NRG1: variants seen among roughly 807,000 people sequenced by gnomAD.
NRG1 encodes pro-neuregulin-1, membrane-bound isoform.
A neutral mutation model predicts 63.8 loss-of-function variants in NRG1; 18 were observed. The ratio of observed to expected loss-of-function variants is 0.28; its 90% CI spans 0.19 to 0.42. The LOEUF (loss-of-function observed/expected upper bound fraction) is 0.42. Ranked by LOEUF, NRG1 falls within the 10% of genes least tolerant of loss-of-function variation. NRG1 has a pLI of 1.00. For synonymous variants in NRG1, 302 were observed against 301.3 expected (o/e 1.00, Z -0.02); for missense variants, 762 against 814.7 (o/e 0.94, Z 0.79).
At chr8:32,703,040 A>G (rs1815374797) in intron 5 of NRG1, among the ~76,000 whole-genome samples, 1 of 152,216 alleles carries the variant, frequency 6.6e-6, no homozygotes, top group Non-Finnish European at 1.5e-5. Context: ...ATAAATCAAC[A>G]GTTTTAACAG....
intron 1 of NRG1, among the ~76,000 whole-genome samples, chr8:31,932,487 T>C (rs142790997): frequency 6.6e-6 from 1 of 152,286 alleles, no homozygotes; most frequent in East Asian, 1.9e-4. Context: ...TTCAGAATCC[T>C]AGGAGGATTG....
intron 5 of NRG1, among the ~76,000 whole-genome samples, chr8:32,658,997 A>G (rs1415158619): frequency 6.6e-6 from 1 of 152,206 alleles, no homozygotes; most frequent in Non-Finnish European, 1.5e-5. Context: ...ACAAATGAAG[A>G]GGAAGAGTAA....
At chr8:32,416,886 A>C (rs1450525560) in intron 1 of NRG1, among the ~76,000 whole-genome samples, 1 of 151,976 alleles carries the variant, frequency 6.6e-6, no homozygotes, top group Non-Finnish European at 1.5e-5. Flanking sequence ...GGGTTTTTCC[A>C]TGTTGCCCAG....
At chr8:31,836,999 T>C (rs550365579) in intron 1 of NRG1, among the ~76,000 whole-genome samples, 15 of 152,204 alleles carry the variant, frequency 9.9e-5, no homozygotes, top group Admixed American at 5.9e-4. Flanking sequence ...GTAGTTTAAA[T>C]GTACATTTTT....
At chr8:32,624,714 C>T (rs2129543043) in intron 5 of NRG1, among the ~76,000 whole-genome samples, 1 of 152,140 alleles carries the variant, frequency 6.6e-6, no homozygotes, top group East Asian at 1.9e-4. Flanking sequence ...GGAAATTCTG[C>T]ATTTTGAAAG....
intron 1 of NRG1, among the ~76,000 whole-genome samples, chr8:31,761,073 C>T (rs1358329323): frequency 6.6e-6 from 1 of 152,088 alleles, no homozygotes; most frequent in Non-Finnish European, 1.5e-5. Context: ...CAGTGATAGA[C>T]CGGATTAAGA....
At chr8:31,772,218 C>G (rs1818691668) in intron 1 of NRG1, among the ~76,000 whole-genome samples, 1 of 152,104 alleles carries the variant, frequency 6.6e-6, no homozygotes, top group South Asian at 2.1e-4. Context: ...AAACTTTTGT[C>G]TTCTTTAAAT....
chr8:32,749,632 T>A (rs1169917839), intron 7 of NRG1: 10 of 1,590,110 alleles, frequency 6.3e-6, no homozygotes, highest in Non-Finnish European at 8.6e-6. Context: ...TTAGAGCCTA[T>A]GAGCTGAAAT....
chr8:31,990,748 G>A (rs1473272310), intron 1 of NRG1, among the ~76,000 whole-genome samples: 3 of 152,068 alleles, frequency 2.0e-5, no homozygotes, highest in African/African-American at 7.2e-5. Flanking sequence ...ATCCCAGATT[G>A]GACAAGGTTG....
intron 1 of NRG1, among the ~76,000 whole-genome samples, chr8:31,680,096 A>G (rs1808157181): frequency 6.6e-6 from 1 of 152,078 alleles, no homozygotes. Flanking sequence ...AAAAATACCA[A>G]TCTACAAAAG....
At chr8:32,065,256 G>A (rs1465214057) in intron 1 of NRG1, among the ~76,000 whole-genome samples, 1 of 151,894 alleles carries the variant, frequency 6.6e-6, no homozygotes, top group Non-Finnish European at 1.5e-5. Flanking sequence ...ACAACGTGCA[G>A]GTTTGTTACA....
At position 32,100,941 on chromosome 8, in the gene NRG1, G is replaced by A. The variant is rs1016550720; in HGVS notation, c.37+461510G>A. Among the ~76,000 whole-genome samples the A allele has an allele frequency of 9.9e-5, 15 of 152,282 alleles. No homozygotes were observed. In the East Asian group the frequency reaches 2.1e-3, roughly 22 times the overall value. On this transcript the variant is annotated intron_variant, in intron 1 of 10. Transcript: ENST00000519301. Reference sequence around the variant, plus strand: ...GAAATACTCTGTAATTGCATCAAATGATTATAAATGGCATATTTTAGGGAC... The same window carrying A: ...GAAATACTCTGTAATTGCATCAAATAATTATAAATGGCATATTTTAGGGAC...
intron 5 of NRG1, among the ~76,000 whole-genome samples, chr8:32,698,752 T>C (rs10103952): frequency 0.093 from 14,194 of 152,208 alleles, 698 homozygotes; most frequent in African/African-American, 0.11. Flanking sequence ...TTTGGAGGCT[T>C]TCTAGTCTTT....
chr8:32,240,946 G>C (rs1444110267), intron 1 of NRG1, among the ~76,000 whole-genome samples: 1 of 151,956 alleles, frequency 6.6e-6, no homozygotes, highest in East Asian at 1.9e-4. Context: ...GAGAATGGGG[G>C]GTACCTGAGA....
intron 1 of NRG1, among the ~76,000 whole-genome samples, chr8:32,493,507 AG>A (rs1826838703): frequency 1.3e-5 from 2 of 152,222 alleles, no homozygotes; most frequent in Admixed American, 6.5e-5. Context: ...ACCTCTTCCT[AG>A]ACATCCAGTT....
chr8:32,730,567 A>G (rs930387867), intron 6 of NRG1, among the ~76,000 whole-genome samples: 2 of 152,206 alleles, frequency 1.3e-5, no homozygotes, highest in Non-Finnish European at 1.5e-5. Context: ...AATCTTAGAG[A>G]TTCACTTCTT....
At chr8:32,763,647 G>C in intron 11 of NRG1, 101 bp from the exon 12 acceptor site, 1 of 1,255,610 alleles carries the variant, frequency 8.0e-7, no homozygotes, top group East Asian at 2.4e-5. Context: ...GAAATTCTCT[G>C]TTCTCTGATG....
chr8:32,755,592 G>T (rs1253203454), intron 8 of NRG1, among the ~76,000 whole-genome samples: 1 of 152,084 alleles, frequency 6.6e-6, no homozygotes, highest in Admixed American at 6.6e-5. Context: ...TTACGATTGT[G>T]CCAAAATCCG....
intron 1 of NRG1, among the ~76,000 whole-genome samples, chr8:32,017,542 A>G (rs530465512): frequency 2.2e-4 from 33 of 152,312 alleles, no homozygotes; most frequent in African/African-American, 7.0e-4. Flanking sequence ...CGTTCGCTTC[A>G]CATGGCAGTC....
Sources: gnomAD v4.1 joint callset for allele counts (sites outside exome capture counted in the v4.1 genomes callset) on GRCh38, gnomAD v4.1.1 for gene constraint, MANE v1.5 for transcripts, NCBI Gene and HGNC (gene_info 2026-07-23, HGNC 2026-07-21) for gene names.